The following TYW1 variants were observed in gnomAD, a reference collection of about 807,000 sequenced individuals.
TYW1 encodes the protein tRNA-yW synthesizing protein 1 homolog.
A neutral mutation model predicts 96.2 loss-of-function variants in TYW1; 46 were observed. That is an observed-to-expected ratio of 0.48 (90% CI 0.38 to 0.61). The LOEUF is 0.61. Among genes scored for constraint, TYW1 ranks in the 20% least tolerant of loss-of-function variants. The pLI is 0.00. For missense variants in TYW1, 684 were observed against 909.6 expected (o/e 0.75, Z 3.19); for synonymous variants, 274 against 323.0 (o/e 0.85, Z 1.63).
At chr7:67,162,157 C>A (rs1799181263) in intron 13 of TYW1, among the ~76,000 whole-genome samples, 1 of 151,316 alleles carries the variant, frequency 6.6e-6, no homozygotes, top group Non-Finnish European at 1.5e-5. Flanking sequence ...AACAAAAAAA[C>A]AAAAAAATTG....
chr7:67,063,752 C>A (rs62466638), intron 9 of TYW1, among the ~76,000 whole-genome samples: 3 of 151,934 alleles, frequency 2.0e-5, no homozygotes, highest in Non-Finnish European at 4.4e-5. Flanking sequence ...TACAGGTGCC[C>A]GCCACCAAGC....
In TYW1 at chr7:67,138,361, G is replaced by A. The variant is rs1373894735; in HGVS notation, c.1698+20743G>A. On this transcript the variant is annotated intron_variant, in intron 13 of 15. Coordinates refer to ENST00000359626, the MANE Select transcript of TYW1 (RefSeq NM_018264.4). ...TAAGTTTTGTGGGTACATAGTAGGT[G>A]TATATATTTATAAGGTACCTGAGAT... Among the ~76,000 whole-genome samples the A allele has an allele frequency of 2.0e-5, 3 of 152,086 alleles. No individual in the cohort carries two copies. The East Asian group carries it at 5.8e-4, about 29-fold the overall frequency.
At chr7:67,137,925 A>G (rs978646311) in intron 13 of TYW1, among the ~76,000 whole-genome samples, 4 of 152,290 alleles carry the variant, frequency 2.6e-5, no homozygotes, top group Non-Finnish European at 5.9e-5. Flanking sequence ...ACACTCTCAC[A>G]CCATGCACCT....
rs761641078 is a variant in TYW1 at position 67,117,616 on chromosome 7, A to G, written c.1696A>G (p.Lys566Glu). The G allele has an allele frequency of 5.0e-6, 8 of 1,609,436 alleles. No homozygotes were observed. The highest frequency in any genetic ancestry group is 6.8e-6 in the Non-Finnish European group (8 of 1,178,892). Residue 566 changes from lysine (K) to glutamate (E), a missense_variant and splice_region_variant, in exon 13 of 16, where the codon AAG becomes GAG. Transcript: ENST00000359626. The stretch of plus-strand genomic sequence containing the variant: ...TGACAGTTTAAAAGCCTTGGCAGTC[A>G]AGGTAAGAATTATGACATCTTAAAA... ...FLDSLKALAV[K>E]QQRTVYRLTL...
rs183032291 is a variant in TYW1, at chr7:67,109,941, G to A, written c.1563-7542G>A. Among the ~76,000 whole-genome samples, 11 of 152,260 alleles carry A rather than the reference G, an allele frequency of 7.2e-5. No individual in the cohort carries two copies. In the South Asian group the frequency reaches 1.2e-3, roughly 17 times the overall value. On this transcript the variant is annotated intron_variant, in intron 12 of 15. Transcript: ENST00000359626. ...CACAGTGAAAACCAGCAGCCCAGCC[G>A]CTGTGGGAGGGGGCAAAACAGAGTG...
intron 10 of TYW1, among the ~76,000 whole-genome samples, chr7:67,078,103 G>T (rs1373996908): frequency 5.5e-5 from 8 of 146,022 alleles, no homozygotes; most frequent in African/African-American, 1.8e-4. Context: ...TTTTGTTTTT[G>T]TTTTTTTTTT....
chr7:67,012,821 A>G (rs899007452), intron 4 of TYW1, among the ~76,000 whole-genome samples: 2 of 152,102 alleles, frequency 1.3e-5, no homozygotes, highest in African/African-American at 4.8e-5. Flanking sequence ...TGTAAGGTGT[A>G]TATGAAACAA....
intron 13 of TYW1, among the ~76,000 whole-genome samples, chr7:67,165,501 A>G (rs571010643): frequency 6.6e-6 from 1 of 151,702 alleles, no homozygotes; most frequent in South Asian, 2.1e-4. Flanking sequence ...AGCTTTGACA[A>G]CCATCAGCAT....
intron 9 of TYW1, among the ~76,000 whole-genome samples, chr7:67,056,289 C>T (rs1449107583): frequency 2.0e-5 from 3 of 152,044 alleles, no homozygotes; most frequent in African/African-American, 2.4e-5. Flanking sequence ...GTCAGGAGTT[C>T]GAGACCAGCC....
At chr7:67,120,377 CCA>C (rs1430707606) in intron 13 of TYW1, among the ~76,000 whole-genome samples, 1 of 152,130 alleles carries the variant, frequency 6.6e-6, no homozygotes, top group Admixed American at 6.5e-5. Context: ...GCCACTGCAC[CCA>C]GTCTGTTTCT....
chr7:67,160,871 C>G (rs548187746), intron 13 of TYW1, among the ~76,000 whole-genome samples: 1 of 151,922 alleles, frequency 6.6e-6, no homozygotes, highest in Non-Finnish European at 1.5e-5. Context: ...GGATTAGAGG[C>G]GTGATCCACT....
At chr7:67,159,342 G>GT (rs1563047341) in intron 13 of TYW1, among the ~76,000 whole-genome samples, 1 of 152,170 alleles carries the variant, frequency 6.6e-6, no homozygotes, top group Non-Finnish European at 1.5e-5. Flanking sequence ...CAGTTGTAAA[G>GT]TTTAACAGAT....
intron 13 of TYW1, among the ~76,000 whole-genome samples, chr7:67,156,977 T>C (rs2844170): frequency 0.26 from 39,000 of 151,362 alleles, 5,502 homozygotes; most frequent in African/African-American, 0.37. Flanking sequence ...CCTTTCCCCT[T>C]TCCTTCTGTG....
chr7:67,081,047 T>A (rs1796377817), intron 10 of TYW1, among the ~76,000 whole-genome samples: 1 of 149,634 alleles, frequency 6.7e-6, no homozygotes, highest in African/African-American at 2.5e-5. Context: ...TACCAGTGAG[T>A]TTATACTTTT....
Position 67,014,487 on chromosome 7 carries a change from A to C in TYW1, c.496A>C (p.Lys166Gln). ...EEASIDFRFGKTYLKGMRYAV... is the reference protein window; with the variant it reads ...EEASIDFRFGQTYLKGMRYAV... Reference sequence around the variant, plus strand: ...AGCATCCATTGATTTTCGATTTGGCAAAACTTACCTGAAGGGTATGAGATA... The same window carrying C: ...AGCATCCATTGATTTTCGATTTGGCCAAACTTACCTGAAGGGTATGAGATA... Residue 166 changes from lysine (K) to glutamine (Q), a missense_variant, in exon 5 of 16, where the codon AAA becomes CAA. Lys to Gln is a moderately conservative substitution (Grantham distance 53). Coordinates refer to ENST00000359626, the MANE Select transcript of TYW1 (RefSeq NM_018264.4). The C allele has an allele frequency of 6.2e-7, 1 of 1,613,954 alleles. No homozygotes were observed. The highest frequency in any genetic ancestry group is 8.5e-7 in the Non-Finnish European group (1 of 1,179,858).
At chr7:67,075,859 C>T (rs1796186391) in intron 10 of TYW1, among the ~76,000 whole-genome samples, 1 of 152,134 alleles carries the variant, frequency 6.6e-6, no homozygotes, top group Admixed American at 6.5e-5. Context: ...ACTTTCCTCC[C>T]CATCTAATTA....
At chr7:67,040,752 G>C (rs1332857262) in intron 7 of TYW1, among the ~76,000 whole-genome samples, 2 of 151,984 alleles carry the variant, frequency 1.3e-5, no homozygotes, top group African/African-American at 4.8e-5. Flanking sequence ...GCTGAGGTGG[G>C]AGGATTGCTT....
intron 11 of TYW1, among the ~76,000 whole-genome samples, chr7:67,084,666 G>T (rs1393620106): frequency 1.3e-5 from 2 of 151,928 alleles, no homozygotes; most frequent in Non-Finnish European, 2.9e-5. Flanking sequence ...GGGGCTACAG[G>T]CACGGGCCAC....
At chr7:67,216,012 ACAAT>A (rs71528217) in intron 15 of TYW1, among the ~76,000 whole-genome samples, 40,240 of 151,400 alleles carry the variant, frequency 0.27, 5,691 homozygotes, top group African/African-American at 0.36. Context: ...GTCCTTCAGT[ACAAT>A]CAAAGTTGAC....
Sources: gnomAD v4.1 joint callset for allele counts (sites outside exome capture counted in the v4.1 genomes callset) on GRCh38, gnomAD v4.1.1 for gene constraint, MANE v1.5 for transcripts, NCBI Gene and HGNC (gene_info 2026-07-23, HGNC 2026-07-21) for gene names.